PKD2L1: variants seen among roughly 807,000 people sequenced by gnomAD.
PKD2L1 encodes the protein polycystin-2-like protein 1.
In PKD2L1, 77 loss-of-function variants were observed where a neutral mutation model predicts 93.0. The ratio of observed to expected loss-of-function variants is 0.83; its 90% confidence interval spans 0.69 to 1.00. PKD2L1 has a LOEUF of 1.00. Among genes scored for constraint, PKD2L1 ranks in the 50% least tolerant of loss-of-function variants. The pLI, the probability that PKD2L1 is intolerant of heterozygous loss-of-function variation, is 0.00. For missense variants in PKD2L1, 977 were observed against 990.9 expected, an observed-to-expected ratio of 0.99 and a Z score of 0.19; for synonymous variants, 390 against 388.0, an observed-to-expected ratio of 1.01 and a Z score of -0.06.
Position 100,288,406 on chromosome 10 carries a change from T to G in PKD2L1, c.2408A>C (p.Gln803Pro). The G allele has an allele frequency of 1.2e-6, 2 of 1,609,390 alleles. No homozygotes were observed. Among genetic ancestry groups the G allele is most frequent in the East Asian group, 2.2e-5 (1 of 44,842 alleles). The change falls in exon 16 of 16, where the codon CAG becomes CCG. Residue 803 changes from glutamine (Q) to proline (P), a missense_variant. By Grantham distance (76) the Gln-to-Pro change is moderately conservative (BLOSUM62 -1). Transcript: ENST00000318222. ...GGGAGTGCCTCACACTTAACTCCTC[T>G]GCAACGTTGGAATCTCACCACGGGA... ...RLSRGEIPTL[Q>P]RS is the part of the protein sequence containing the mutation.
rs759053993 is a variant in PKD2L1 at position 100,298,742 on chromosome 10, G to C, written c.551C>G (p.Ser184Cys). 6.2e-7 allele frequency: 1 copy of C among 1,613,982 alleles called. No homozygotes were observed. Among genetic ancestry groups the C allele is most frequent in the Non-Finnish European group, 8.5e-7 (1 of 1,179,990 alleles). The change falls in exon 4 of 16, where the codon TCC becomes TGC. Residue 184 changes from serine (S) to cysteine (C), a missense_variant. Ser to Cys is a moderately radical substitution (Grantham distance 112). Transcript: ENST00000318222. ...GTTCTCATAGTAGATGAAGGAGTGG[G>C]AGCCATGGCCCAGGCTCTGGTTGTT... Reference protein sequence around the residue: ...WYNNQSLGHGSHSFIYYENML... With the variant: ...WYNNQSLGHGCHSFIYYENML...
intron 2 of PKD2L1, among the ~76,000 whole-genome samples, chr10:100,304,993 G>C (rs1438737366): frequency 6.6e-6 from 1 of 152,142 alleles, no homozygotes; most frequent in Non-Finnish European, 1.5e-5. Context: ...AACTCAATAA[G>C]TAGTTGAGTA....
In PKD2L1 at chr10:100,294,596, T is replaced by C. The variant is rs202106486; in HGVS notation, c.1598A>G (p.Asn533Ser). The C allele has an allele frequency of 5.6e-6, 9 of 1,613,820 alleles. No homozygotes were observed. The East Asian group carries it at 6.7e-5, about 12-fold the overall frequency. Residue 533 changes from asparagine to serine, a missense_variant, in exon 9 of 16, where the codon AAC becomes AGC. Transcript: ENST00000318222. ...DFDYNAIDNA[N>S]RILGPAYFVT... ...AAAGTAGGCAGGGCCCAGGATGCGG[T>C]TGGCATTGTCGATAGCATTGTAGTC...
In PKD2L1 at chr10:100,329,294, G is replaced by A. The variant is rs751071121; in HGVS notation, c.266C>T (p.Thr89Ile). The A allele has an allele frequency of 6.2e-7, 1 of 1,614,130 alleles. No individual in the cohort carries two copies. Among genetic ancestry groups the A allele is most frequent in the Non-Finnish European group, 8.5e-7 (1 of 1,179,982 alleles). The change falls in exon 2 of 16, where the codon ACA becomes ATA. Residue 89 changes from threonine to isoleucine, a missense_variant. Physicochemically the swap from Thr to Ile is moderately conservative, Grantham distance 89. Coordinates refer to ENST00000318222, the MANE Select transcript of PKD2L1 (RefSeq NM_016112.3). ...GATATAAAGTTCCCGGTTCTCAGCT[G>A]TGTTCTCAGTCAGGGTTGTTCCCCA... ...GLWGTTLTENTAENRELYIKT... is the reference protein window; with the variant it reads ...GLWGTTLTENIAENRELYIKT...
At chr10:100,318,861 T>C (rs961394913) in intron 2 of PKD2L1, among the ~76,000 whole-genome samples, 1 of 150,724 alleles carries the variant, frequency 6.6e-6, no homozygotes, top group African/African-American at 2.4e-5. Flanking sequence ...CTTTTTTTTT[T>C]TTTTAGATGG....
chr10:100,320,001 GC>G (rs1209416454), intron 2 of PKD2L1, among the ~76,000 whole-genome samples: 7 of 152,246 alleles, frequency 4.6e-5, no homozygotes, highest in Non-Finnish European at 2.9e-5. Context: ...GATGGTGTGG[GC>G]CCAGTGGGAA....
At chr10:100,305,681 C>T (rs997759068) in intron 2 of PKD2L1, among the ~76,000 whole-genome samples, 3 of 152,124 alleles carry the variant, frequency 2.0e-5, no homozygotes, top group Non-Finnish European at 2.9e-5. Flanking sequence ...TGGCAGAACT[C>T]AGTCTCTCTA....
In PKD2L1 at chr10:100,303,520, C is replaced by G. The variant is rs186945680; in HGVS notation, c.350-3802G>C. Among the ~76,000 whole-genome samples, 157 of 152,266 alleles carry G rather than the reference C, an allele frequency of 1.0e-3. 4 individuals are homozygous for G. The East Asian group carries it at 0.025, about 24-fold the overall frequency. On this transcript the variant is annotated intron_variant, in intron 2 of 15. Coordinates refer to ENST00000318222, the MANE Select transcript of PKD2L1 (RefSeq NM_016112.3). ...TTTTAAAAGTAGAATTTGTCAGCCT[C>G]TTATGAGCAATTCCCTTTAAGAATT... is the stretch of plus-strand genomic sequence containing the variant.
chr10:100,294,752 A>G, intron 8 of PKD2L1, 97 bp from the exon 9 acceptor site: 1 of 1,524,580 alleles, frequency 6.6e-7, no homozygotes, highest in Non-Finnish European at 9.1e-7. Context: ...CGTTCACCCC[A>G]ATCTGATAGA....
chr10:100,319,769 C>T (rs1306562268), intron 2 of PKD2L1, among the ~76,000 whole-genome samples: 1 of 152,264 alleles, frequency 6.6e-6, no homozygotes, highest in African/African-American at 2.4e-5. Context: ...CTCTGCCCTC[C>T]TCCCCAGCTC....
chr10:100,318,278 A>G (rs1849146187), intron 2 of PKD2L1, among the ~76,000 whole-genome samples: 1 of 152,132 alleles, frequency 6.6e-6, no homozygotes, highest in South Asian at 2.1e-4. Flanking sequence ...GAGTTTTCCT[A>G]TGTAATGTCT....
chr10:100,328,874 G>T (rs1489971278), intron 2 of PKD2L1, among the ~76,000 whole-genome samples: 2 of 152,206 alleles, frequency 1.3e-5, no homozygotes, highest in Non-Finnish European at 2.9e-5. Context: ...ACAGGCGTGA[G>T]CCACCGTGCC....
At chr10:100,301,654 G>T (rs1191398418) in intron 2 of PKD2L1, among the ~76,000 whole-genome samples, 1 of 152,096 alleles carries the variant, frequency 6.6e-6, no homozygotes, top group Non-Finnish European at 1.5e-5. Context: ...TGTTCTCAAG[G>T]TGCCTAGATT....
intron 12 of PKD2L1, 118 bp downstream of exon 12, chr10:100,291,183 A>G (rs1379938335): frequency 9.4e-7 from 1 of 1,061,504 alleles, no homozygotes; most frequent in African/African-American, 1.6e-5. Context: ...ACTATTCTAG[A>G]GAGTTCTTTA....
chr10:100,299,816 A>T, intron 2 of PKD2L1, 98 bp from the exon 3 acceptor site: 1 of 1,099,954 alleles, frequency 9.1e-7, no homozygotes, highest in Non-Finnish European at 1.4e-6. Context: ...CCAAGATGGA[A>T]GCCCATCCCC....
intron 2 of PKD2L1, among the ~76,000 whole-genome samples, chr10:100,328,841 C>T (rs1381569919): frequency 2.6e-5 from 4 of 152,166 alleles, no homozygotes; most frequent in East Asian, 1.9e-4. Flanking sequence ...GTGCCCACTT[C>T]GGCCTCCCAA....
chr10:100,327,718 C>T (rs1010057327), intron 2 of PKD2L1, among the ~76,000 whole-genome samples: 1 of 152,170 alleles, frequency 6.6e-6, no homozygotes, highest in Non-Finnish European at 1.5e-5. Context: ...TTTCTGACAG[C>T]CATTTGCTGA....
At chr10:100,306,922 G>T (rs1375601514) in intron 2 of PKD2L1, among the ~76,000 whole-genome samples, 1 of 142,482 alleles carries the variant, frequency 7.0e-6, no homozygotes, top group Non-Finnish European at 1.5e-5. Flanking sequence ...AAAACTTGAT[G>T]ATCTTTCCTG....
intron 7 of PKD2L1, among the ~76,000 whole-genome samples, chr10:100,295,362 A>G (rs1303042496): frequency 6.7e-6 from 1 of 149,584 alleles, no homozygotes; most frequent in Non-Finnish European, 1.5e-5. Context: ...CAGAAGTTGC[A>G]GTGAGCTGAG....
Sources: allele counts gnomAD v4.1 joint callset (sites outside exome capture counted in the v4.1 genomes callset), GRCh38; gene constraint gnomAD v4.1.1; transcripts MANE v1.5; gene names NCBI Gene and HGNC (gene_info 2026-07-23, HGNC 2026-07-21).